The following GMDS variants were observed in gnomAD, a reference collection of about 807,000 sequenced individuals.
GMDS encodes GDP-mannose 4,6-dehydratase.
In GMDS, 20 loss-of-function variants were observed where a neutral mutation model predicts 49.9. The ratio of observed to expected loss-of-function variants is 0.40; its 90% confidence interval spans 0.28 to 0.58. GMDS has a LOEUF of 0.58. Ranked by LOEUF, GMDS falls within the 20% of genes least tolerant of loss-of-function variation. GMDS has a pLI of 0.42. For missense variants in GMDS, 362 were observed against 481.4 expected (o/e 0.75, Z 2.32); for synonymous variants, 177 against 178.6 (o/e 0.99, Z 0.07).
intron 8 of GMDS, among the ~76,000 whole-genome samples, chr6:1,735,175 C>T (rs928855275): frequency 3.9e-5 from 6 of 151,976 alleles, no homozygotes; most frequent in Admixed American, 6.6e-5. Flanking sequence ...CCCCCAGAGT[C>T]GCTGCCACTG....
chr6:2,124,885 A>G (rs1188955236), intron 1 of GMDS, among the ~76,000 whole-genome samples, 154 bp from the exon 2 acceptor site: 1 of 152,236 alleles, frequency 6.6e-6, no homozygotes, highest in Non-Finnish European at 1.5e-5. Context: ...GTCAATAAAT[A>G]CCACATGGTG....
intron 7 of GMDS, among the ~76,000 whole-genome samples, chr6:1,896,784 A>G (rs1273455095): frequency 6.6e-6 from 1 of 152,210 alleles, no homozygotes; most frequent in Non-Finnish European, 1.5e-5. Flanking sequence ...GACAAACACA[A>G]GTGCCATCAA....
chr6:2,051,844 T>A (rs1770413362), intron 4 of GMDS, among the ~76,000 whole-genome samples: 1 of 152,026 alleles, frequency 6.6e-6, no homozygotes, highest in Admixed American at 6.6e-5. Flanking sequence ...GCTGGCTGGG[T>A]GCAGTGGCTC....
At chr6:1,722,097 TGC>T (rs1561756628) in intron 9 of GMDS, among the ~76,000 whole-genome samples, 1 of 133,652 alleles carries the variant, frequency 7.5e-6, no homozygotes, top group African/African-American at 2.8e-5. Context: ...GATGGAATCT[TGC>T]TTTGACGCCC....
chr6:2,003,022 TGAACATATA>T (rs1305134446), intron 4 of GMDS, among the ~76,000 whole-genome samples: 2 of 152,132 alleles, frequency 1.3e-5, no homozygotes, highest in African/African-American at 4.8e-5. Context: ...AATCCCTGTT[TGAACATATA>T]GAACACTGGC....
At chr6:2,204,775 A>T (rs1779711002) in intron 1 of GMDS, among the ~76,000 whole-genome samples, 1 of 152,192 alleles carries the variant, frequency 6.6e-6, no homozygotes, top group Non-Finnish European at 1.5e-5. Flanking sequence ...TACAAGACCA[A>T]GGATCATCAT....
At chr6:1,696,574 A>G (rs1230932922) in intron 9 of GMDS, among the ~76,000 whole-genome samples, 1 of 152,240 alleles carries the variant, frequency 6.6e-6, no homozygotes, top group Non-Finnish European at 1.5e-5. Context: ...TGACAGCTTC[A>G]TAGACATCAT....
chr6:2,109,842 A>C (rs1322500836), intron 4 of GMDS, among the ~76,000 whole-genome samples: 1 of 152,200 alleles, frequency 6.6e-6, no homozygotes, highest in African/African-American at 2.4e-5. Context: ...GCTAACATGC[A>C]ATTGTATGGG....
rs149443442 is a variant in GMDS at position 1,706,267 on chromosome 6, G to A, written c.987+20149C>T. Among the ~76,000 whole-genome samples, 95 of 152,288 alleles carry A rather than the reference G, an allele frequency of 6.2e-4. No individual in the cohort carries two copies. The East Asian group carries it at 0.018, about 28-fold the overall frequency. The stretch of plus-strand genomic sequence containing the variant: ...CTGATGATTCTGAGGGGAGGTGGTG[G>A]GCAGGTGCTGAGGCAGGAATACAAG... On this transcript the variant is annotated intron_variant, in intron 9 of 10. Coordinates refer to ENST00000380815, the MANE Select transcript of GMDS (RefSeq NM_001500.4).
At chr6:1,673,411 T>C (rs1161459412) in intron 9 of GMDS, among the ~76,000 whole-genome samples, 1 of 152,108 alleles carries the variant, frequency 6.6e-6, no homozygotes, top group Non-Finnish European at 1.5e-5. Context: ...AGAGCAGTTT[T>C]AGCTTTATAG....
intron 8 of GMDS, among the ~76,000 whole-genome samples, chr6:1,741,982 C>CA (rs2113489372): frequency 6.6e-6 from 1 of 150,528 alleles, no homozygotes; most frequent in East Asian, 2.0e-4. Flanking sequence ...AGTGCAATGG[C>CA]ATGATCTCAG....
At chr6:2,180,760 A>T (rs1056404431) in intron 1 of GMDS, among the ~76,000 whole-genome samples, 1 of 152,206 alleles carries the variant, frequency 6.6e-6, no homozygotes, top group Non-Finnish European at 1.5e-5. Context: ...AATATTTGAT[A>T]AACAAGATTT....
intron 1 of GMDS, among the ~76,000 whole-genome samples, chr6:2,150,473 A>C (rs1776789004): frequency 6.6e-6 from 1 of 152,198 alleles, no homozygotes; most frequent in Non-Finnish European, 1.5e-5. Flanking sequence ...CACTAACACG[A>C]AACTATCTCC....
intron 6 of GMDS, among the ~76,000 whole-genome samples, chr6:1,944,965 T>A (rs1428217356): frequency 6.6e-6 from 1 of 152,174 alleles, no homozygotes; most frequent in Non-Finnish European, 1.5e-5. Context: ...CAAAAGATAC[T>A]TATTCACCCA....
intron 7 of GMDS, among the ~76,000 whole-genome samples, chr6:1,821,605 T>G (rs1770897383): frequency 8.5e-6 from 1 of 117,948 alleles, no homozygotes; most frequent in Non-Finnish European, 1.7e-5. Flanking sequence ...TGCTAACAAT[T>G]TATTTGTTTT....
At position 2,191,190 on chromosome 6, in the gene GMDS, G is replaced by T. The variant is rs530278934; in HGVS notation, c.102+54131C>A. 1.6e-4 allele frequency among the ~76,000 whole-genome samples: 24 copies of T among 152,004 alleles called. 1 individual carries two copies. The highest frequency in any genetic ancestry group is 5.8e-4 in the African/African-American group (24 of 41,388). On this transcript the variant is annotated intron_variant, in intron 1 of 10. Transcript: ENST00000380815. This position sits in a 1 kb window ranked among gnomAD's most constrained non-coding sequence, Gnocchi z 4.6. The stretch of plus-strand genomic sequence containing the variant: ...AGCCATGTCCCCAGGGGTCCGCCCC[G>T]CATGGGGTGACCACCGGGCCTGACA...
chr6:1,640,735 T>C lies in GMDS; in HGVS notation c.988-16195A>G, dbSNP rs1763303639. Among the ~76,000 whole-genome samples the C allele has an allele frequency of 6.6e-6, 1 of 152,036 alleles. No homozygotes were observed. Among genetic ancestry groups the C allele is most frequent in the Admixed American group, 6.5e-5 (1 of 15,268 alleles). On this transcript the variant is annotated intron_variant, in intron 9 of 10. Transcript: ENST00000380815. The surrounding 1 kb of genome is among the most constrained non-coding windows in gnomAD (Gnocchi z 4.0). Reference sequence around the variant, plus strand: ...CACACGGGGAGCTCATGTTCTACTGTGGGGGCACTGTCAGTAAACAGGCAA... The same window carrying C: ...CACACGGGGAGCTCATGTTCTACTGCGGGGGCACTGTCAGTAAACAGGCAA...
intron 1 of GMDS, among the ~76,000 whole-genome samples, chr6:2,166,141 A>G (rs1777658987): frequency 6.6e-6 from 1 of 152,352 alleles, no homozygotes; most frequent in Admixed American, 6.5e-5. Context: ...TCACGTTAAC[A>G]CTCGCAGAAC....
intron 7 of GMDS, among the ~76,000 whole-genome samples, chr6:1,918,267 T>C (rs561499947): frequency 1.3e-5 from 2 of 152,132 alleles, no homozygotes; most frequent in African/African-American, 4.8e-5. Flanking sequence ...TGAGAGGAAA[T>C]AGAGTGATGA....
Sources: allele counts gnomAD v4.1 joint callset (sites outside exome capture counted in the v4.1 genomes callset), GRCh38; gene constraint gnomAD v4.1.1; non-coding constraint Gnocchi (gnomAD v3.1); transcripts MANE v1.5; gene names NCBI Gene and HGNC (gene_info 2026-07-23, HGNC 2026-07-21).